Variants in GARIN6 observed in about 807,000 individuals in gnomAD.
The protein encoded by GARIN6 is golgi associated RAB2 interactor family member 6, also known as Golgi-associated RAB2 interactor protein 6.
chr12:99,649,236 G>A, the GARIN6 span: 1 of 1,357,190 alleles, frequency 7.4e-7, no homozygotes, highest in African/African-American at 1.4e-5. Context: ...TATAGGAAGA[G>A]AAAGGAGATC....
chr12:99,649,364 G>A, the GARIN6 span: 1 of 1,614,008 alleles, frequency 6.2e-7, no homozygotes. Flanking sequence ...GAAATGTTTG[G>A]GTCCACCTAT....
the GARIN6 span, chr12:99,648,548 T>C: frequency 4.5e-5 from 72 of 1,614,140 alleles, no homozygotes; most frequent in Middle Eastern, 9.9e-4. Flanking sequence ...CCCTTGATGT[T>C]TGTGAAAATA....
chr12:99,648,802 A>G, the GARIN6 span: 3 of 1,602,162 alleles, frequency 1.9e-6, no homozygotes, highest in Non-Finnish European at 2.6e-6. Context: ...GAGTCTATGC[A>G]GAGACTAGAT....
At chr12:99,648,056 C>A in the GARIN6 span, 1 of 1,400,760 alleles carries the variant, frequency 7.1e-7, no homozygotes, top group Non-Finnish European at 9.6e-7. Flanking sequence ...AAAAGAAAGC[C>A]TGCAGAACAC....
the GARIN6 span, chr12:99,649,170 GGTGGCAACACAACATGTTT>G: frequency 1.3e-6 from 1 of 799,016 alleles, no homozygotes; most frequent in East Asian, 2.4e-5. Flanking sequence ...TATATACATT[GGTGGCAACACAACATGTTT>G]GTGTACTTGT....
chr12:99,649,308 T>C, the GARIN6 span: 1 of 1,614,118 alleles, frequency 6.2e-7, no homozygotes, highest in East Asian at 2.2e-5. Flanking sequence ...TGAAGTTTTG[T>C]GAAGAGAAGG....
the GARIN6 span, chr12:99,648,244 T>A: frequency 1.2e-6 from 2 of 1,614,142 alleles, no homozygotes; most frequent in Non-Finnish European, 1.7e-6. Context: ...GTTTAACACC[T>A]CCATGGGGAA....
At chr12:99,648,365 A>G in the GARIN6 span, 3 of 1,614,004 alleles carry the variant, frequency 1.9e-6, no homozygotes, top group South Asian at 1.1e-5. Context: ...GACGTGCACA[A>G]CCGTGCCCGA....
At chr12:99,649,390 G>A in the GARIN6 span, 26 of 1,613,032 alleles carry the variant, frequency 1.6e-5, no homozygotes, top group Non-Finnish European at 2.2e-5. Context: ...TTATACAATA[G>A]AGATATGAAT....
chr12:99,647,785 A>G, the GARIN6 span: 1 of 212,638 alleles, frequency 4.7e-6, no homozygotes, highest in Non-Finnish European at 9.6e-6. Context: ...GAAGAAGAGC[A>G]GTGGGATTGC....
At chr12:99,648,396 T>C in the GARIN6 span, 4 of 1,614,158 alleles carry the variant, frequency 2.5e-6, no homozygotes, top group Non-Finnish European at 3.4e-6. Context: ...TGGGCATCGT[T>C]CGCACCAGCC....
chr12:99,649,520 C>T, the GARIN6 span: 7 of 716,310 alleles, frequency 9.8e-6, no homozygotes, highest in African/African-American at 8.8e-5. Flanking sequence ...GTAAGCACCA[C>T]CACAGGTACC....
chr12:99,648,917 T>C, the GARIN6 span: 1 of 1,308,254 alleles, frequency 7.6e-7, no homozygotes, highest in South Asian at 1.6e-5. Flanking sequence ...GAAGGCCAAA[T>C]GAGCTTCCAT....
At chr12:99,648,980 A>G in the GARIN6 span, among the ~76,000 whole-genome samples, 1 of 152,194 alleles carries the variant, frequency 6.6e-6, no homozygotes, top group Non-Finnish European at 1.5e-5. Context: ...AGGGTTCTCC[A>G]AGCCTGAATT....
At chr12:99,647,916 A>T in the GARIN6 span, 3 of 469,260 alleles carry the variant, frequency 6.4e-6, no homozygotes, top group Non-Finnish European at 1.1e-5. Context: ...GAGGGCCCCA[A>T]CACCTGTGCT....
chr12:99,649,338 A>G, the GARIN6 span: 1 of 1,614,182 alleles, frequency 6.2e-7, no homozygotes, highest in Non-Finnish European at 8.5e-7. Flanking sequence ...GAATCAGTAG[A>G]CTTCACATGA....
chr12:99,648,893 C>T, the GARIN6 span: 34 of 1,436,326 alleles, frequency 2.4e-5, no homozygotes, highest in Non-Finnish European at 2.9e-5. Context: ...AAATGCATTG[C>T]ATTTGGAAGG....
the GARIN6 span, chr12:99,649,344 C>T: frequency 1.4e-4 from 229 of 1,614,038 alleles, no homozygotes; most frequent in Non-Finnish European, 1.9e-4. Flanking sequence ...GTAGACTTCA[C>T]ATGAATGCTG....
chr12:99,648,404 G>A, the GARIN6 span: 2 of 1,614,186 alleles, frequency 1.2e-6, no homozygotes, highest in Non-Finnish European at 1.7e-6. Context: ...GTTCGCACCA[G>A]CCCCTGCCTC....
Sources: allele counts gnomAD v4.1 joint callset (sites outside exome capture counted in the v4.1 genomes callset), GRCh38; gene constraint gnomAD v4.1.1; transcripts MANE v1.5; gene names NCBI Gene and HGNC (gene_info 2026-07-23, HGNC 2026-07-21).